SLC26A8: variants seen among roughly 807,000 people sequenced by gnomAD.
The protein encoded by SLC26A8 is solute carrier family 26 member 8.
Under a neutral mutation model 105.0 loss-of-function variants are expected in SLC26A8, and 70 were observed. The ratio of observed to expected loss-of-function variants is 0.67; its 90% CI spans 0.55 to 0.81. SLC26A8 has a LOEUF of 0.81. SLC26A8 is among the 40% of genes least tolerant of loss of function. SLC26A8 has a pLI of 0.00. For missense variants in SLC26A8, 998 were observed against 1,181.8 expected (o/e 0.84, Z 2.28); for synonymous variants, 415 against 438.3 (o/e 0.95, Z 0.66).
At chr6:35,993,958 A>G (rs1399704200) in intron 5 of SLC26A8, among the ~76,000 whole-genome samples, 1 of 152,202 alleles carries the variant, frequency 6.6e-6, no homozygotes, top group Admixed American at 6.5e-5. Flanking sequence ...GGAGCAAAAC[A>G]GAAGTCTTAA....
At chr6:35,950,061 T>C (rs937702242) in intron 19 of SLC26A8, among the ~76,000 whole-genome samples, 1 of 152,138 alleles carries the variant, frequency 6.6e-6, no homozygotes, top group Non-Finnish European at 1.5e-5. Context: ...CCTCCCAAAG[T>C]GCTGGGATTA....
intron 11 of SLC26A8, 27 bp downstream of exon 11, chr6:35,968,850 C>T (rs778064202): frequency 1.5e-6 from 2 of 1,340,442 alleles, no homozygotes; most frequent in African/African-American, 1.7e-5. Flanking sequence ...TCGTTGTTGA[C>T]TTAGTTATTT....
chr6:36,012,902 A>G (rs1051922978), intron 2 of SLC26A8, among the ~76,000 whole-genome samples: 3 of 152,196 alleles, frequency 2.0e-5, no homozygotes, highest in Non-Finnish European at 4.4e-5. Context: ...GTTATTCCCA[A>G]TTAGGAGAGT....
intron 2 of SLC26A8, among the ~76,000 whole-genome samples, chr6:36,014,972 G>A (rs955012462): frequency 5.3e-5 from 8 of 152,170 alleles, no homozygotes; most frequent in Non-Finnish European, 8.8e-5. Context: ...TTACGAGGCA[G>A]GTGCTATTAT....
chr6:35,959,407 T>C, intron 16 of SLC26A8, 53 bp downstream of exon 16: 20 of 1,552,374 alleles, frequency 1.3e-5, no homozygotes, highest in Non-Finnish European at 1.7e-5. Flanking sequence ...ATGACTAGTG[T>C]ACTTGTTTAT....
chr6:36,010,003 A>T (rs1017375086), intron 3 of SLC26A8, among the ~76,000 whole-genome samples: 4 of 152,210 alleles, frequency 2.6e-5, no homozygotes, highest in South Asian at 4.2e-4. Flanking sequence ...GCAGCTGGGG[A>T]TGTAAAATGG....
At chr6:35,957,858 G>A (rs1030741572) in intron 16 of SLC26A8, among the ~76,000 whole-genome samples, 29 of 151,674 alleles carry the variant, frequency 1.9e-4, no homozygotes, top group African/African-American at 5.8e-4. Context: ...CGCCTGCCTC[G>A]GCCTCCCAAA....
At chr6:35,991,833 G>A (rs765082045) in intron 6 of SLC26A8, 25 bp from the exon 7 acceptor site, 1 of 1,555,720 alleles carries the variant, frequency 6.4e-7, no homozygotes, top group Non-Finnish European at 8.7e-7. Context: ...AATTACGGAG[G>A]CTTAGAAAGG....
chr6:35,989,601 A>T (rs2127346039), intron 7 of SLC26A8: 1 of 152,342 alleles, frequency 6.6e-6, no homozygotes, highest in African/African-American at 2.4e-5. Context: ...CAAAAATGGG[A>T]TAGAAGCAGA....
chr6:35,991,837 A>G, intron 6 of SLC26A8, 29 bp from the exon 7 acceptor site: 1 of 1,552,942 alleles, frequency 6.4e-7, no homozygotes, highest in South Asian at 1.2e-5. Flanking sequence ...ACGGAGGCTT[A>G]GAAAGGGATG....
intron 4 of SLC26A8, 27 bp downstream of exon 4, chr6:35,999,965 G>A (rs368944062): frequency 2.2e-5 from 32 of 1,425,656 alleles, no homozygotes; most frequent in Non-Finnish European, 2.8e-5. Context: ...TTCATCCACC[G>A]CATGTGTATT....
chr6:35,974,920 C>CT (rs1446804305), intron 10 of SLC26A8, among the ~76,000 whole-genome samples: 25 of 138,156 alleles, frequency 1.8e-4, no homozygotes, highest in African/African-American at 2.9e-4. Flanking sequence ...TTTTTTTTTT[C>CT]TTTTTTTTTG....
intron 19 of SLC26A8, among the ~76,000 whole-genome samples, chr6:35,944,659 T>C (rs897451512): frequency 2.0e-5 from 3 of 151,754 alleles, no homozygotes; most frequent in African/African-American, 7.3e-5. Context: ...CAGTGAGCTG[T>C]GTTTACACCG....
At position 35,981,990 on chromosome 6, in the gene SLC26A8, C is replaced by A; in HGVS notation, c.1025+131G>T. On this transcript the variant is annotated intron_variant, in intron 8 of 19. Transcript: ENST00000490799. This position sits in a 1 kb window ranked among gnomAD's most constrained non-coding sequence, Gnocchi z 4.0. Reference sequence around the variant, plus strand: ...CCCTAGCCCTTCTCCTTTCATGAACCTCTGTGTTCAAAAATGAATTTTGCT... The same window carrying A: ...CCCTAGCCCTTCTCCTTTCATGAACATCTGTGTTCAAAAATGAATTTTGCT... 1 of 845,174 alleles carries A rather than the reference C, an allele frequency of 1.2e-6. No individual in the cohort carries two copies. The highest frequency in any genetic ancestry group is 1.9e-6 in the Non-Finnish European group (1 of 530,460). The allele number at this position is 845,174 out of a possible 1,614,324, so 52.4% of individuals were successfully genotyped here. A position where few individuals can be genotyped will look rare whatever the true frequency, so the allele number is the denominator to read the frequency against.
At chr6:35,990,387 T>C in intron 7 of SLC26A8, 1 of 213,688 alleles carries the variant, frequency 4.7e-6, no homozygotes, top group South Asian at 6.8e-5. Context: ...CATCATATGT[T>C]CCCTTTGTGA....
intron 2 of SLC26A8, among the ~76,000 whole-genome samples, chr6:36,019,206 G>A (rs539550490): frequency 1.1e-4 from 16 of 152,172 alleles, no homozygotes; most frequent in Non-Finnish European, 1.5e-4. Context: ...GATTACGGGC[G>A]TGAGCCATTG....
intron 11 of SLC26A8, among the ~76,000 whole-genome samples, chr6:35,968,589 ATG>A (rs1281355415): frequency 0.061 from 3,727 of 61,040 alleles, 334 homozygotes; most frequent in South Asian, 0.12. Context: ...ATATGTGTGT[ATG>A]TGTGTGTGTG....
intron 5 of SLC26A8, 80 bp downstream of exon 5, chr6:35,997,658 C>T: frequency 1.5e-6 from 2 of 1,355,286 alleles, no homozygotes; most frequent in South Asian, 1.5e-5. Context: ...CAGTGGATCA[C>T]AGGAGCAGTA....
At chr6:35,958,027 G>A (rs893573499) in intron 16 of SLC26A8, among the ~76,000 whole-genome samples, 5 of 152,090 alleles carry the variant, frequency 3.3e-5, no homozygotes, top group African/African-American at 7.2e-5. Context: ...AGAGCCCCAC[G>A]TTTATTTCTA....
Sources: allele counts gnomAD v4.1 joint callset (sites outside exome capture counted in the v4.1 genomes callset), GRCh38; gene constraint gnomAD v4.1.1; non-coding constraint Gnocchi (gnomAD v3.1); transcripts MANE v1.5; gene names NCBI Gene and HGNC (gene_info 2026-07-23, HGNC 2026-07-21).